Variants in INO80 observed in about 807,000 individuals in gnomAD.
The protein encoded by INO80 is chromatin-remodeling ATPase INO80.
A neutral mutation model predicts 203.4 loss-of-function variants in INO80; 20 were observed. The ratio of observed to expected loss-of-function variants is 0.10; its 90% confidence interval spans 0.07 to 0.14. The LOEUF (loss-of-function observed/expected upper bound fraction) is 0.14, where lower values mean the gene tolerates loss of function less well. Ranked by LOEUF, INO80 falls within the 10% of genes least tolerant of loss-of-function variation. The pLI is 1.00. For synonymous variants in INO80, 726 were observed against 685.2 expected (o/e 1.06, Z -0.93); for missense variants, 1,419 against 1,914.4 (o/e 0.74, Z 4.83).
chr15:40,999,666 A>G (rs2043931639), intron 28 of INO80, among the ~76,000 whole-genome samples: 2 of 152,240 alleles, frequency 1.3e-5, no homozygotes, highest in African/African-American at 4.8e-5. Context: ...TTATGATTAA[A>G]TTGTGTAGTG....
At chr15:41,088,595 A>T (rs958190151) in intron 5 of INO80, among the ~76,000 whole-genome samples, 4 of 152,192 alleles carry the variant, frequency 2.6e-5, no homozygotes, top group Admixed American at 6.5e-5. Context: ...GGAAGTGGTA[A>T]GTAAATGCTT....
At chr15:41,044,059 G>A (rs941052263) in intron 24 of INO80, among the ~76,000 whole-genome samples, 2 of 152,170 alleles carry the variant, frequency 1.3e-5, no homozygotes, top group Non-Finnish European at 2.9e-5. Context: ...CAGGTGTAGT[G>A]GAGGATGCTG....
At chr15:41,026,570 C>CA in intron 25 of INO80, among the ~76,000 whole-genome samples, 1 of 150,890 alleles carries the variant, frequency 6.6e-6, no homozygotes. Context: ...TTAAAAAAAA[C>CA]AAAAACAAAA....
In INO80 at chr15:41,096,155, TACAATA is replaced by T. The variant is rs1566947547; in HGVS notation, c.143+7_143+12del. 1 of 1,592,226 alleles carries T rather than the reference TACAATA, an allele frequency of 6.3e-7. No individual in the cohort carries two copies. Among genetic ancestry groups the T allele is most frequent in the Non-Finnish European group, 8.5e-7 (1 of 1,173,076 alleles). ...AATTTGGTAAAACATATTGCAAAGA[TACAATA>T]ACATACCTAGAAATATTCCTATTGA... On this transcript the variant is annotated splice_region_variant and intron_variant, in intron 2 of 35. Coordinates refer to ENST00000648947, the MANE Select transcript of INO80 (RefSeq NM_017553.3).
chr15:41,087,255 A>T (rs1019739603), intron 6 of INO80, among the ~76,000 whole-genome samples: 1 of 152,200 alleles, frequency 6.6e-6, no homozygotes, highest in African/African-American at 2.4e-5. Context: ...ATGAGGTATT[A>T]TAAGTAATCC....
chr15:41,109,433 A>AG (rs1213353674), intron 1 of INO80, among the ~76,000 whole-genome samples: 1 of 152,050 alleles, frequency 6.6e-6, no homozygotes, highest in African/African-American at 2.4e-5. Context: ...CCTGGGCGAC[A>AG]GAGTAAGGCA....
chr15:40,986,825 C>T (rs1459929084), intron 31 of INO80, among the ~76,000 whole-genome samples: 2 of 152,122 alleles, frequency 1.3e-5, no homozygotes, highest in East Asian at 3.9e-4. Flanking sequence ...TGGGGTTTCA[C>T]AATGTTGGCC....
intron 29 of INO80, among the ~76,000 whole-genome samples, chr15:40,996,695 A>T (rs1468868562): frequency 1.3e-5 from 2 of 152,100 alleles, no homozygotes; most frequent in African/African-American, 4.8e-5. Context: ...GAAAGAGTGG[A>T]TAATTTGTTG....
At chr15:41,081,370 C>T (rs944683793) in intron 7 of INO80, among the ~76,000 whole-genome samples, 3 of 152,078 alleles carry the variant, frequency 2.0e-5, no homozygotes, top group African/African-American at 7.2e-5. Context: ...TGTTACAATA[C>T]CTAAACCTTA....
At chr15:41,084,907 T>C (rs959660190) in intron 7 of INO80, among the ~76,000 whole-genome samples, 3 of 152,210 alleles carry the variant, frequency 2.0e-5, no homozygotes, top group Non-Finnish European at 2.9e-5. Context: ...CAGTTCATTT[T>C]TGTAGTTTTT....
At chr15:40,986,943 T>G in intron 31 of INO80, 148 bp downstream of exon 31, 1 of 536,648 alleles carries the variant, frequency 1.9e-6, no homozygotes, top group Non-Finnish European at 3.4e-6. Flanking sequence ...TACAAACACA[T>G]TCTTGTTTGG....
At chr15:41,003,325 T>TTTTC (rs1303411467) in intron 28 of INO80, among the ~76,000 whole-genome samples, 1 of 37,930 alleles carries the variant, frequency 2.6e-5, no homozygotes, top group Non-Finnish European at 9.4e-5. Context: ...GTGATTTTTC[T>TTTTC]TTTCTTTTCT....
At chr15:41,070,402 T>C (rs1185963165) in intron 13 of INO80, 65 bp downstream of exon 13, 7 of 1,422,136 alleles carry the variant, frequency 4.9e-6, no homozygotes, top group Non-Finnish European at 6.9e-6. Context: ...TTTAAGTGGC[T>C]GATTTTCAAC....
chr15:41,000,185 A>T (rs1032354879), intron 28 of INO80, among the ~76,000 whole-genome samples: 1 of 152,134 alleles, frequency 6.6e-6, no homozygotes, highest in Non-Finnish European at 1.5e-5. Context: ...GGTGGGTACA[A>T]AGGCAAGGAA....
chr15:41,072,587 T>C (rs1304139010), intron 11 of INO80, among the ~76,000 whole-genome samples: 8 of 136,444 alleles, frequency 5.9e-5, no homozygotes, highest in Non-Finnish European at 7.7e-5. Flanking sequence ...GGTGTGGTGG[T>C]GCGCACCTGT....
chr15:41,111,548 T>C (rs760162572), intron 1 of INO80, among the ~76,000 whole-genome samples: 5 of 152,142 alleles, frequency 3.3e-5, no homozygotes, highest in Non-Finnish European at 7.4e-5. Context: ...CTCACACCTG[T>C]AATCCCAGCA....
At chr15:41,008,981 C>T (rs1479598301) in intron 27 of INO80, among the ~76,000 whole-genome samples, 4 of 152,064 alleles carry the variant, frequency 2.6e-5, no homozygotes, top group African/African-American at 4.8e-5. Context: ...TATAGGCATG[C>T]GCCACCATGC....
chr15:41,068,521 A>G (rs1368511457), intron 14 of INO80, among the ~76,000 whole-genome samples: 1 of 151,910 alleles, frequency 6.6e-6, no homozygotes, highest in Non-Finnish European at 1.5e-5. Flanking sequence ...AGTTTGCACC[A>G]TTACACTCTA....
chr15:41,085,133 TC>T (rs1389363276), intron 7 of INO80, among the ~76,000 whole-genome samples: 39 of 152,242 alleles, frequency 2.6e-4, no homozygotes, highest in African/African-American at 9.2e-4. Flanking sequence ...GAAGTTGTCC[TC>T]CAATTTTTTG....
Sources: gnomAD v4.1 joint callset for allele counts (sites outside exome capture counted in the v4.1 genomes callset) on GRCh38, gnomAD v4.1.1 for gene constraint, MANE v1.5 for transcripts, NCBI Gene and HGNC (gene_info 2026-07-23, HGNC 2026-07-21) for gene names.